The following NUB1 variants were observed in gnomAD, a reference collection of about 807,000 sequenced individuals.
NUB1 encodes the protein NEDD8 ultimate buster 1.
Under a neutral mutation model 77.1 loss-of-function variants are expected in NUB1, and 41 were observed. The ratio of observed to expected loss-of-function variants is 0.53; its 90% CI spans 0.41 to 0.69. The LOEUF is 0.69. NUB1 is among the 30% of genes least tolerant of loss of function. NUB1 has a pLI of 0.00. For missense variants in NUB1, 643 were observed against 743.8 expected, an observed-to-expected ratio of 0.86 and a Z score of 1.58; for synonymous variants, 257 against 281.0, an observed-to-expected ratio of 0.91 and a Z score of 0.85.
rs1563034551 is a variant in NUB1, at chr7:151,377,104, T to G, written c.1727T>G (p.Leu576Arg). 1.9e-6 allele frequency: 3 copies of G among 1,583,710 alleles called. No homozygotes were observed. The highest frequency in any genetic ancestry group is 2.6e-6 in the Non-Finnish European group (3 of 1,164,806). Residue 576 changes from leucine (L) to arginine (R), a missense_variant, in exon 15 of 15, where the codon CTG becomes CGG. Leu to Arg is a moderately radical substitution (Grantham distance 102). Transcript: ENST00000568733. ...DMETEAVNEI[L>R]EDIPEHEEDY... ...GAGACAGAGGCCGTCAATGAGATACTGGAAGACATTCCAGAGCATGAGGAA... is the reference window on the plus strand; with the variant it reads ...GAGACAGAGGCCGTCAATGAGATACGGGAAGACATTCCAGAGCATGAGGAA...
At chr7:151,367,332 C>A (rs1359694842) in intron 9 of NUB1, among the ~76,000 whole-genome samples, 1 of 152,040 alleles carries the variant, frequency 6.6e-6, no homozygotes, top group African/African-American at 2.4e-5. Flanking sequence ...AGCATTTAGC[C>A]CAAAGGAACA....
chr7:151,341,939 C>T, intron 1 of NUB1, 93 bp downstream of exon 1: 1 of 1,369,208 alleles, frequency 7.3e-7, no homozygotes, highest in Non-Finnish European at 9.4e-7. Flanking sequence ...CTCTCCTGGC[C>T]AGGGGTGGAG....
rs1797042144 is a variant in NUB1 at position 151,355,921 on chromosome 7, A to G, written c.569A>G (p.Lys190Arg). Reference sequence around the variant, plus strand: ...AAAGAAAAACAAATTCAGAGGACCAAGAGAGGACTAGAAATACTGGCAAAG... The same window carrying G: ...AAAGAAAAACAAATTCAGAGGACCAGGAGAGGACTAGAAATACTGGCAAAG... The part of the protein sequence containing the change: ...KLKEKQIQRT[K>R]RGLEILAKRA... Residue 190 changes from lysine (K) to arginine (R), a missense_variant, in exon 6 of 15, where the codon AAG becomes AGG. Physicochemically the swap from Lys to Arg is conservative, Grantham distance 26 (BLOSUM62 2). Coordinates refer to ENST00000568733, the MANE Select transcript of NUB1 (RefSeq NM_001243351.2). The G allele has an allele frequency of 6.2e-7, 1 of 1,613,962 alleles. No individual in the cohort carries two copies. Among genetic ancestry groups the G allele is most frequent in the Non-Finnish European group, 8.5e-7 (1 of 1,179,860 alleles).
intron 8 of NUB1, among the ~76,000 whole-genome samples, chr7:151,365,744 C>A (rs187375458): frequency 6.6e-6 from 1 of 152,136 alleles, no homozygotes; most frequent in Admixed American, 6.5e-5. Flanking sequence ...CAAACATTCA[C>A]GAAATTAGAA....
Position 151,377,088 on chromosome 7 carries a change from GC to G in NUB1, c.1713del (p.Val572SerfsTer34). On this transcript the variant is annotated frameshift_variant, in exon 15 of 15. Transcript: ENST00000568733. LOFTEE classifies it high-confidence loss of function. ...ASTDEDMETEAVNEILEDIPE... is the reference protein window; with the variant it reads ...ASTDEDMETEXVNEILEDIPE... ...AACAGACGAAGACATGGAGACAGAG[GC>G]CGTCAATGAGATACTGGAAGACATT... 1 of 1,578,708 alleles carries G rather than the reference GC, an allele frequency of 6.3e-7. No individual in the cohort carries two copies. The highest frequency in any genetic ancestry group is 8.6e-7 in the Non-Finnish European group (1 of 1,163,070).
chr7:151,376,311 T>C, intron 13 of NUB1: 1 of 478,744 alleles, frequency 2.1e-6, no homozygotes, highest in South Asian at 2.5e-5. Context: ...TTTGTGCCCC[T>C]ACACGCGTTA....
chr7:151,370,787 T>C (rs148312629), intron 11 of NUB1, among the ~76,000 whole-genome samples: 141 of 150,008 alleles, frequency 9.4e-4, no homozygotes, highest in African/African-American at 3.2e-3. Flanking sequence ...AGTGAGAATA[T>C]GCGGTGTTTG....
intron 8 of NUB1, among the ~76,000 whole-genome samples, chr7:151,363,458 A>G (rs541593174): frequency 1.3e-3 from 192 of 152,236 alleles, no homozygotes; most frequent in Admixed American, 4.1e-3. Flanking sequence ...AAGGCTAAAA[A>G]AAAAAAAAAA....
Position 151,378,415 on chromosome 7 carries a change from C to T in NUB1, c.*1190C>T, listed in dbSNP as rs543818603. ...GTCATTCTTTTTAAACGGATGATAC[C>T]GATGGAAATAAAAGGTGGGAAATAT... On this transcript the variant is annotated 3_prime_UTR_variant, in exon 15 of 15. Transcript: ENST00000568733. The T allele has an allele frequency of 3.3e-5, 5 of 152,260 alleles. No homozygotes were observed. The highest frequency in any genetic ancestry group is 2.1e-4 in the South Asian group (1 of 4,822). 9.4% of individuals were successfully genotyped at this position (152,260 alleles called of 1,614,324 possible).
chr7:151,347,559 G>A (rs1213916442), intron 2 of NUB1, among the ~76,000 whole-genome samples: 2 of 152,160 alleles, frequency 1.3e-5, no homozygotes, highest in Non-Finnish European at 2.9e-5. Flanking sequence ...CTGGGCTCAA[G>A]TGATTCTCCC....
intron 7 of NUB1, among the ~76,000 whole-genome samples, chr7:151,357,025 GT>G (rs1162840622): frequency 1.3e-5 from 2 of 151,694 alleles, no homozygotes; most frequent in Non-Finnish European, 2.9e-5. Context: ...CCGTGTTTTT[GT>G]TTTTTTAAGA....
intron 2 of NUB1, among the ~76,000 whole-genome samples, chr7:151,348,539 C>G (rs1490666501): frequency 4.3e-5 from 6 of 138,230 alleles, no homozygotes; most frequent in Admixed American, 7.3e-5. Flanking sequence ...AAACATTTAT[C>G]AAATAAATGT....
intron 7 of NUB1, among the ~76,000 whole-genome samples, chr7:151,357,134 C>T (rs909703996): frequency 6.6e-5 from 10 of 152,150 alleles, no homozygotes; most frequent in East Asian, 3.9e-4. Flanking sequence ...CTCCCGCCTC[C>T]GCCTTCTGGG....
At chr7:151,368,528 T>C (rs1267299433) in intron 10 of NUB1, among the ~76,000 whole-genome samples, 1 of 152,260 alleles carries the variant, frequency 6.6e-6, no homozygotes, top group South Asian at 2.1e-4. Flanking sequence ...CCTCGTGTTG[T>C]GCTGTGGCTA....
At chr7:151,344,965 A>G (rs887298779) in intron 1 of NUB1, among the ~76,000 whole-genome samples, 1 of 152,132 alleles carries the variant, frequency 6.6e-6, no homozygotes, top group African/African-American at 2.4e-5. Context: ...GCACCACTGC[A>G]CTCCAGCCTG....
chr7:151,344,888 G>T lies in NUB1; in HGVS notation c.-2-460G>T, dbSNP rs1260430809. Among the ~76,000 whole-genome samples, 12 of 152,152 alleles carry T rather than the reference G, an allele frequency of 7.9e-5. No individual in the cohort carries two copies. In the East Asian group the frequency reaches 1.8e-3, roughly 22 times the overall value. ...GGTGGCGCATGCCTGTAATCCCAGT[G>T]AGTAGGGAGGCTGATGCAGGGGAAT... On this transcript the variant is annotated intron_variant, in intron 1 of 14. Transcript: ENST00000568733.
chr7:151,365,101 G>A (rs890751579), intron 8 of NUB1, among the ~76,000 whole-genome samples: 9 of 151,674 alleles, frequency 5.9e-5, no homozygotes, highest in African/African-American at 2.2e-4. Context: ...TGAGATTACA[G>A]GTGTGAGCCA....
intron 2 of NUB1, among the ~76,000 whole-genome samples, chr7:151,347,229 C>G (rs1322328771): frequency 6.6e-6 from 1 of 151,896 alleles, no homozygotes; most frequent in Non-Finnish European, 1.5e-5. Flanking sequence ...TTCCTCTTTT[C>G]CTACGTAACT....
intron 3 of NUB1, among the ~76,000 whole-genome samples, chr7:151,349,750 C>G (rs1385318844): frequency 6.6e-6 from 1 of 152,208 alleles, no homozygotes; most frequent in Non-Finnish European, 1.5e-5. Flanking sequence ...TGATCGATGC[C>G]AGCACTCTCA....
Sources: allele counts gnomAD v4.1 joint callset (sites outside exome capture counted in the v4.1 genomes callset), GRCh38; gene constraint gnomAD v4.1.1; transcripts MANE v1.5; gene names NCBI Gene and HGNC (gene_info 2026-07-23, HGNC 2026-07-21).